The following PDE6H variants were observed in gnomAD, a reference collection of about 807,000 sequenced individuals.
PDE6H encodes the protein phosphodiesterase 6H.
A neutral mutation model predicts 9.2 loss-of-function variants in PDE6H; 11 were observed. That is an observed-to-expected ratio of 1.19 (90% CI 0.75 to 1.97). The LOEUF (loss-of-function observed/expected upper bound fraction) is 1.97. Among genes scored for constraint, PDE6H ranks in the 30% most tolerant of loss-of-function variants. The probability of loss-of-function intolerance (pLI) is 0.00; values close to 1 mark genes in which losing one functional copy is unlikely to be tolerated. For synonymous variants in PDE6H, 36 were observed against 33.6 expected (o/e 1.07, Z -0.25); for missense variants, 98 against 101.5 (o/e 0.97, Z 0.15).
chr12:14,975,570 G>A (rs764184342), intron 1 of PDE6H, among the ~76,000 whole-genome samples: 5 of 152,072 alleles, frequency 3.3e-5, no homozygotes, highest in Admixed American at 1.3e-4. Context: ...TGAGCACAGC[G>A]CAGATCTTGG....
intron 2 of PDE6H, 22 bp downstream of exon 2, chr12:14,978,168 A>C (rs1200189228): frequency 6.2e-7 from 1 of 1,609,724 alleles, no homozygotes; most frequent in Admixed American, 1.7e-5. Context: ...ATGAAAAGAA[A>C]AACTTTCTAT....
rs143636135 is a variant in PDE6H at position 14,978,432 on chromosome 12, C to T, written c.134+286C>T. Reference sequence around the variant, plus strand: ...GGCTTTTGATGACCACTCCTCTTTACTGAGACAACCTCTACGTTAATCTGT... The same window carrying T: ...GGCTTTTGATGACCACTCCTCTTTATTGAGACAACCTCTACGTTAATCTGT... On this transcript the variant is annotated intron_variant, in intron 2 of 3. Coordinates refer to ENST00000266395, the MANE Select transcript of PDE6H (RefSeq NM_006205.3). Among the ~76,000 whole-genome samples, 149 of 152,328 alleles carry T rather than the reference C, an allele frequency of 9.8e-4. 1 individual carries two copies. Among genetic ancestry groups the T allele is most frequent in the African/African-American group, 3.2e-3 (133 of 41,578 alleles).
chr12:14,980,507 G>A (rs1864665984), intron 3 of PDE6H, among the ~76,000 whole-genome samples: 1 of 152,208 alleles, frequency 6.6e-6, no homozygotes, highest in African/African-American at 2.4e-5. Flanking sequence ...AGCACTTGTA[G>A]TAATCAGTGT....
At chr12:14,979,117 G>C in intron 2 of PDE6H, 62 bp from the exon 3 acceptor site, 1 of 1,089,284 alleles carries the variant, frequency 9.2e-7, no homozygotes, top group Non-Finnish European at 1.4e-6. Context: ...CTCTCCATGT[G>C]AGTGACTCCA....
intron 1 of PDE6H, among the ~76,000 whole-genome samples, chr12:14,975,735 T>C (rs1864582492): frequency 6.6e-6 from 1 of 152,166 alleles, no homozygotes; most frequent in Non-Finnish European, 1.5e-5. Context: ...AGCTAATGAC[T>C]TCTCTGTGCT....
At chr12:14,977,895 G>A (rs1296134009) in intron 1 of PDE6H, 77 bp from the exon 2 acceptor site, 3 of 1,002,132 alleles carry the variant, frequency 3.0e-6, no homozygotes, top group Non-Finnish European at 4.5e-6. Context: ...TTCTTCTCCA[G>A]CCTGAAATAA....
chr12:14,974,147 C>T (rs952973735), intron 1 of PDE6H, among the ~76,000 whole-genome samples: 11 of 152,178 alleles, frequency 7.2e-5, no homozygotes, highest in Non-Finnish European at 1.5e-4. Context: ...TTGCCTAATG[C>T]TTTTGGAGGA....
intron 1 of PDE6H, among the ~76,000 whole-genome samples, chr12:14,973,339 A>T (rs1215447264): frequency 6.6e-6 from 1 of 152,262 alleles, no homozygotes; most frequent in Admixed American, 6.5e-5. Context: ...GAATTCATTT[A>T]GAAGGAGCCC....
At chr12:14,978,184 T>G in intron 2 of PDE6H, 38 bp downstream of exon 2, 1 of 1,596,480 alleles carries the variant, frequency 6.3e-7, no homozygotes, top group Non-Finnish European at 8.6e-7. Context: ...TCTATTACTT[T>G]CTTTTTCCCA....
intron 3 of PDE6H, 46 bp from the exon 4 acceptor site, chr12:14,981,354 T>G: frequency 8.5e-7 from 1 of 1,170,388 alleles, no homozygotes; most frequent in Non-Finnish European, 1.3e-6. Flanking sequence ...GAAGAAGCTC[T>G]CTTGGGGTGA....
At chr12:14,976,856 C>T (rs745718003) in intron 1 of PDE6H, among the ~76,000 whole-genome samples, 26 of 152,036 alleles carry the variant, frequency 1.7e-4, no homozygotes, top group Admixed American at 5.2e-4. Context: ...TCAGGATCTT[C>T]CTTCCAAGAG....
chr12:14,974,490 G>A (rs965829444), intron 1 of PDE6H, among the ~76,000 whole-genome samples: 1 of 152,196 alleles, frequency 6.6e-6, no homozygotes, highest in African/African-American at 2.4e-5. Context: ...TTCTGAGGAG[G>A]CTTCTTTCAT....
At chr12:14,979,514 T>A (rs1864650336) in intron 3 of PDE6H, among the ~76,000 whole-genome samples, 1 of 152,236 alleles carries the variant, frequency 6.6e-6, no homozygotes, top group Non-Finnish European at 1.5e-5. Context: ...AGAAAGATTT[T>A]CATAATTCAT....
chr12:14,981,153 C>T (rs1338619959), intron 3 of PDE6H, among the ~76,000 whole-genome samples: 1 of 152,184 alleles, frequency 6.6e-6, no homozygotes, highest in Non-Finnish European at 1.5e-5. Flanking sequence ...AGGGAACCCC[C>T]CAGTCAACAG....
In PDE6H at chr12:14,981,818, G is replaced by A. The variant is rs367710116; in HGVS notation, c.*342G>A. On this transcript the variant is annotated 3_prime_UTR_variant, in exon 4 of 4. Coordinates refer to ENST00000266395, the MANE Select transcript of PDE6H (RefSeq NM_006205.3). The stretch of plus-strand genomic sequence containing the variant: ...AGTAGACTTTTAAGACAACATTTAT[G>A]TCACTCCCCACCTCCTCATATTTAA... 4.2e-5 allele frequency: 16 copies of A among 376,838 alleles called. No homozygotes were observed. Among genetic ancestry groups the A allele is most frequent in the Non-Finnish European group, 7.5e-5 (15 of 200,938 alleles). 23.3% of individuals were successfully genotyped at this position (376,838 alleles called of 1,614,324 possible).
In PDE6H at chr12:14,978,027, T is replaced by A. The variant is rs758387390; in HGVS notation, c.15T>A (p.Thr5=). 2.5e-6 allele frequency: 4 copies of A among 1,613,336 alleles called. No individual in the cohort carries two copies. Among genetic ancestry groups the A allele is most frequent in the South Asian group, 1.1e-5 (1 of 91,068 alleles). The part of the protein sequence containing the change: MSDN[T]TLPAPASNQG... ...GGGGAGTTAAAATGAGTGACAACACTACTCTGCCTGCTCCAGCTTCAAACC... is the reference window on the plus strand; with the variant it reads ...GGGGAGTTAAAATGAGTGACAACACAACTCTGCCTGCTCCAGCTTCAAACC... Residue 5 remains threonine, a synonymous_variant, in exon 2 of 4, where the codon ACT becomes ACA. Transcript: ENST00000266395.
intron 1 of PDE6H, among the ~76,000 whole-genome samples, chr12:14,974,479 T>C (rs1275420913): frequency 6.6e-6 from 1 of 152,256 alleles, no homozygotes; most frequent in Admixed American, 6.5e-5. Flanking sequence ...TATGTAACTC[T>C]TTCTGAGGAG....
Position 14,981,416 on chromosome 12 carries a change from T to C in PDE6H, c.192T>C (p.Cys64=). The C allele has an allele frequency of 6.2e-7, 1 of 1,612,068 alleles. No individual in the cohort carries two copies. Among genetic ancestry groups the C allele is most frequent in the South Asian group, 1.1e-5 (1 of 91,062 alleles). Residue 64 remains cysteine, a synonymous_variant, in exon 4 of 4, where the codon TGT becomes TGC. Coordinates refer to ENST00000266395, the MANE Select transcript of PDE6H (RefSeq NM_006205.3). ...EGLGTDITVI[C]PWEAFSHLEL... ...CTCTTGCAGATATCACAGTGATTTG[T>C]CCATGGGAGGCATTCAGCCACCTGG...
chr12:14,977,997 C>T lies in PDE6H; in HGVS notation c.-16C>T. 2 of 1,612,912 alleles carry T rather than the reference C, an allele frequency of 1.2e-6. No individual in the cohort carries two copies. The highest frequency in any genetic ancestry group is 1.7e-6 in the Non-Finnish European group (2 of 1,179,744). On this transcript the variant is annotated 5_prime_UTR_variant, in exon 2 of 4. Coordinates refer to ENST00000266395, the MANE Select transcript of PDE6H (RefSeq NM_006205.3). ...GAGGCTGAAAGGGAAACATCAGCCG[C>T]CCGGGGGGAGTTAAAATGAGTGACA... is the stretch of plus-strand genomic sequence containing the variant.
Sources: allele counts gnomAD v4.1 joint callset (sites outside exome capture counted in the v4.1 genomes callset), GRCh38; gene constraint gnomAD v4.1.1; transcripts MANE v1.5; gene names NCBI Gene and HGNC (gene_info 2026-07-23, HGNC 2026-07-21).